EML6: variants seen among roughly 807,000 people sequenced by gnomAD.
The protein encoded by EML6 is EMAP like 6.
In EML6, 154 loss-of-function variants were observed where a neutral mutation model predicts 240.1. The observed-to-expected ratio is 0.64, with a 90% confidence interval of 0.56 to 0.73. The LOEUF (loss-of-function observed/expected upper bound fraction) is 0.73. Among genes scored for constraint, EML6 ranks in the 30% least tolerant of loss-of-function variants. The probability of loss-of-function intolerance (pLI) is 0.00; values close to 1 mark genes in which losing one functional copy is unlikely to be tolerated. For missense variants in EML6, 2,964 were observed against 2,474.6 expected, an observed-to-expected ratio of 1.20 and a Z score of -4.20; for synonymous variants, 1,148 against 899.0, an observed-to-expected ratio of 1.28 and a Z score of -4.95.
At chr2:54,800,414 C>G (rs966254821) in intron 2 of EML6, among the ~76,000 whole-genome samples, 1 of 152,112 alleles carries the variant, frequency 6.6e-6, no homozygotes, top group Non-Finnish European at 1.5e-5. Flanking sequence ...CGTACATACA[C>G]ACATATAAAT....
intron 26 of EML6, among the ~76,000 whole-genome samples, chr2:54,923,310 T>G (rs1337795441): frequency 1.3e-5 from 2 of 151,568 alleles, no homozygotes; most frequent in Non-Finnish European, 2.9e-5. Context: ...TGTATTTAAT[T>G]ATACTGTATT....
At chr2:54,909,901 G>A (rs1297514832) in intron 24 of EML6, among the ~76,000 whole-genome samples, 1 of 149,560 alleles carries the variant, frequency 6.7e-6, no homozygotes, top group Non-Finnish European at 1.5e-5. Context: ...TCAGATCAAG[G>A]TGGTGCCTAT....
chr2:54,914,390 C>T (rs527357949), intron 25 of EML6, among the ~76,000 whole-genome samples: 19 of 152,250 alleles, frequency 1.2e-4, no homozygotes, highest in Admixed American at 2.0e-4. Flanking sequence ...CTTTCCCTTC[C>T]GGTTTTAGTG....
intron 28 of EML6, among the ~76,000 whole-genome samples, chr2:54,948,258 T>C (rs936140067): frequency 1.3e-5 from 2 of 152,160 alleles, no homozygotes; most frequent in Non-Finnish European, 2.9e-5. Flanking sequence ...TTTGGTGTGG[T>C]AGCAGCTGAA....
At chr2:54,948,332 C>T (rs182538966) in intron 28 of EML6, among the ~76,000 whole-genome samples, 228 of 152,198 alleles carry the variant, frequency 1.5e-3, no homozygotes, top group Non-Finnish European at 2.3e-3. Context: ...TCTCCTGTCC[C>T]TCTGCTTCCT....
At chr2:54,954,740 A>G (rs1045774384) in intron 32 of EML6, among the ~76,000 whole-genome samples, 21 of 152,232 alleles carry the variant, frequency 1.4e-4, no homozygotes, top group African/African-American at 4.8e-4. Context: ...CACACACACA[A>G]GCTGCAACTG....
rs746185378 is a variant in EML6, at chr2:54,725,209, C to T, written c.148C>T (p.Arg50Cys). 1.2e-5 allele frequency: 18 copies of T among 1,502,474 alleles called. No homozygotes were observed. The Admixed American group carries it at 1.3e-4, about 11-fold the overall frequency. The allele number at this position is 1,502,474 out of a possible 1,614,324, so 93.1% of individuals were successfully genotyped here. ...VAGVGVVYNT[R>C]EHSQKFFLGH... is the part of the protein sequence containing the mutation. Reference sequence around the variant, plus strand: ...TGGGGTCGGGGTGGTTTACAACACCCGCGAGCACAGCCAAAAATTCTTCCT... The same window carrying T: ...TGGGGTCGGGGTGGTTTACAACACCTGCGAGCACAGCCAAAAATTCTTCCT... Residue 50 changes from arginine (R) to cysteine (C), a missense_variant, in exon 2 of 42, where the codon CGC (arginine) becomes TGC (cysteine). Transcript: ENST00000356458. The surrounding 1 kb of genome is among the most constrained non-coding windows in gnomAD (Gnocchi z 4.3).
intron 16 of EML6, among the ~76,000 whole-genome samples, chr2:54,877,157 G>T (rs897568532): frequency 6.6e-6 from 1 of 151,728 alleles, no homozygotes; most frequent in African/African-American, 2.4e-5. Flanking sequence ...TAATTTTTTT[G>T]TATTTTTGTA....
intron 2 of EML6, among the ~76,000 whole-genome samples, chr2:54,727,000 A>G (rs1249284404): frequency 6.6e-6 from 1 of 152,174 alleles, no homozygotes; most frequent in African/African-American, 2.4e-5. Context: ...AACCAAATGC[A>G]CTGTTGAAGC....
At chr2:54,811,982 C>A in intron 2 of EML6, among the ~76,000 whole-genome samples, 1 of 152,306 alleles carries the variant, frequency 6.6e-6, no homozygotes, top group South Asian at 2.1e-4. Context: ...TTCCAGCAAG[C>A]ACTTTTCAGA....
intron 39 of EML6, 74 bp from the exon 40 acceptor site, chr2:54,968,054 G>A: frequency 1.4e-6 from 2 of 1,395,282 alleles, no homozygotes; most frequent in Non-Finnish European, 9.9e-7. Flanking sequence ...CTTATCCCTG[G>A]GAGGTGATGA....
At chr2:54,861,749 G>A (rs898958766) in intron 12 of EML6, among the ~76,000 whole-genome samples, 6 of 149,688 alleles carry the variant, frequency 4.0e-5, no homozygotes, top group African/African-American at 1.5e-4. Flanking sequence ...CCAGTCTGAC[G>A]AGATAGGGAG....
At chr2:54,896,898 T>C (rs1374962460) in intron 21 of EML6, among the ~76,000 whole-genome samples, 1 of 152,202 alleles carries the variant, frequency 6.6e-6, no homozygotes, top group Non-Finnish European at 1.5e-5. Flanking sequence ...AAAAAATCTA[T>C]GTTAAAAACA....
At chr2:54,746,284 G>T (rs1038069048) in intron 2 of EML6, among the ~76,000 whole-genome samples, 39 of 152,146 alleles carry the variant, frequency 2.6e-4, no homozygotes, top group African/African-American at 9.2e-4. Flanking sequence ...TTTCAGTAGG[G>T]AATACTGAAT....
intron 33 of EML6, among the ~76,000 whole-genome samples, chr2:54,958,348 C>T (rs1307320937): frequency 2.6e-5 from 4 of 152,046 alleles, no homozygotes; most frequent in South Asian, 2.1e-4. Context: ...CCTGCCACCA[C>T]GCCTGGCTAA....
intron 25 of EML6, among the ~76,000 whole-genome samples, chr2:54,911,719 G>C (rs1474115533): frequency 2.6e-5 from 4 of 152,286 alleles, no homozygotes; most frequent in South Asian, 4.1e-4. Flanking sequence ...TTACAGACGT[G>C]AGCCACCGTG....
At chr2:54,800,974 A>G (rs1670105649) in intron 2 of EML6, among the ~76,000 whole-genome samples, 1 of 152,096 alleles carries the variant, frequency 6.6e-6, no homozygotes, top group East Asian at 1.9e-4. Context: ...CCTTCATGTT[A>G]TCTGTTTCCT....
chr2:54,949,798 C>T (rs1021138612), intron 29 of EML6, among the ~76,000 whole-genome samples: 2 of 152,230 alleles, frequency 1.3e-5, no homozygotes, highest in South Asian at 4.1e-4. Flanking sequence ...CTCTGGCCCC[C>T]CAAACCCACC....
intron 2 of EML6, among the ~76,000 whole-genome samples, chr2:54,763,589 G>C (rs556516928): frequency 1.3e-5 from 2 of 152,306 alleles, no homozygotes; most frequent in African/African-American, 4.8e-5. Context: ...AGGTGCATTT[G>C]TGTGGTTTTT....
Sources: allele counts gnomAD v4.1 joint callset (sites outside exome capture counted in the v4.1 genomes callset), GRCh38; gene constraint gnomAD v4.1.1; non-coding constraint Gnocchi (gnomAD v3.1); transcripts MANE v1.5; gene names NCBI Gene and HGNC (gene_info 2026-07-23, HGNC 2026-07-21).